The following NRP1 variants were observed in gnomAD, a reference collection of about 807,000 sequenced individuals.
NRP1 encodes neuropilin 1.
A neutral mutation model predicts 106.7 loss-of-function variants in NRP1; 35 were observed. The observed-to-expected ratio is 0.33, with a 90% CI of 0.25 to 0.43. The LOEUF is 0.43. Ranked by LOEUF, NRP1 falls within the 20% of genes least tolerant of loss-of-function variation. The pLI is 1.00. For missense variants in NRP1, 1,024 were observed against 1,170.4 expected, an observed-to-expected ratio of 0.87 and a Z score of 1.83; for synonymous variants, 437 against 417.9, an observed-to-expected ratio of 1.05 and a Z score of -0.56.
At chr10:33,190,215 T>C (rs1836311822) in intron 13 of NRP1, among the ~76,000 whole-genome samples, 1 of 152,228 alleles carries the variant, frequency 6.6e-6, no homozygotes, top group African/African-American at 2.4e-5. Context: ...TTAGCTTTTG[T>C]CTCTGGCTAA....
chr10:33,318,361 A>G (rs988959079), intron 2 of NRP1, among the ~76,000 whole-genome samples: 2 of 152,200 alleles, frequency 1.3e-5, no homozygotes, highest in African/African-American at 4.8e-5. Context: ...AGGTGCAATT[A>G]TAACGCACAT....
intron 6 of NRP1, among the ~76,000 whole-genome samples, chr10:33,237,904 G>A (rs1760211267): frequency 1.3e-5 from 2 of 151,972 alleles, no homozygotes; most frequent in South Asian, 4.1e-4. Flanking sequence ...CCTTCGGAGA[G>A]CAAAGATAAG....
At chr10:33,237,408 C>A (rs903768300) in intron 6 of NRP1, among the ~76,000 whole-genome samples, 5 of 151,582 alleles carry the variant, frequency 3.3e-5, no homozygotes, top group African/African-American at 1.2e-4. Flanking sequence ...CCTCATAGGA[C>A]AGGGGGTTGG....
intron 2 of NRP1, among the ~76,000 whole-genome samples, chr10:33,314,032 TTCTC>T (rs1164444187): frequency 3.2e-5 from 4 of 126,442 alleles, no homozygotes; most frequent in Admixed American, 8.2e-5. Flanking sequence ...CTCTCTCTCT[TTCTC>T]TCTCTCTTTC....
chr10:33,304,289 C>A (rs1343177610), intron 2 of NRP1, among the ~76,000 whole-genome samples: 1 of 152,150 alleles, frequency 6.6e-6, no homozygotes. Flanking sequence ...TTCCCTCCCC[C>A]AGATGGACTA....
intron 8 of NRP1, among the ~76,000 whole-genome samples, chr10:33,219,579 T>C (rs765190969): frequency 1.8e-4 from 28 of 152,234 alleles, no homozygotes; most frequent in African/African-American, 4.8e-5. Flanking sequence ...ATTTTAGACA[T>C]CTAAGTTTAC....
At chr10:33,254,989 A>C (rs1233280913) in intron 5 of NRP1, among the ~76,000 whole-genome samples, 2 of 152,176 alleles carry the variant, frequency 1.3e-5, no homozygotes, top group East Asian at 3.8e-4. Flanking sequence ...CTTAGGCCTA[A>C]CATCCTCAGT....
rs1197543432 is a variant in NRP1 at position 33,199,400 on chromosome 10, T to A, written c.1865-1691A>T. Among the ~76,000 whole-genome samples the A allele has an allele frequency of 8.2e-3, 802 of 97,262 alleles. 7 individuals are homozygous for A. The highest frequency in any genetic ancestry group is 0.024 in the African/African-American group (557 of 23,478). 63.8% of individuals were successfully genotyped at this position (97,262 alleles called of 152,430 possible). On this transcript the variant is annotated intron_variant, in intron 11 of 16. Coordinates refer to ENST00000374867, the MANE Select transcript of NRP1 (RefSeq NM_003873.7). ...ATATATATATATATATTTTTTTTTT[T>A]TTTTTTTTTTTTTTTTTTTTTGGCG...
intron 8 of NRP1, among the ~76,000 whole-genome samples, chr10:33,220,442 C>T (rs1047669999): frequency 6.6e-6 from 1 of 152,136 alleles, no homozygotes; most frequent in Admixed American, 6.5e-5. Flanking sequence ...TCAACTGATT[C>T]TGTCTTTGAA....
chr10:33,229,503 TCAAA>T (rs1279244288), intron 6 of NRP1, among the ~76,000 whole-genome samples: 1 of 152,202 alleles, frequency 6.6e-6, no homozygotes, highest in African/African-American at 2.4e-5. Flanking sequence ...ACTCTTCCTG[TCAAA>T]CTTACAGATG....
chr10:33,209,525 GGA>G (rs2132768469), intron 9 of NRP1, among the ~76,000 whole-genome samples: 1 of 152,290 alleles, frequency 6.6e-6, no homozygotes, highest in South Asian at 2.1e-4. Context: ...CACCAAGGCT[GGA>G]GTGCAGTGGT....
At chr10:33,289,249 C>T (rs1844808042) in intron 2 of NRP1, among the ~76,000 whole-genome samples, 2 of 152,110 alleles carry the variant, frequency 1.3e-5, no homozygotes, top group South Asian at 2.1e-4. Context: ...GTTCCAATTA[C>T]ATTAAACCTT....
chr10:33,260,985 CAAAAAA>C (rs35665366), intron 4 of NRP1, among the ~76,000 whole-genome samples: 1 of 60,066 alleles, frequency 1.7e-5, no homozygotes, highest in South Asian at 7.8e-4. Flanking sequence ...TGCCATTGAC[CAAAAAA>C]AAAAAAAAAA....
chr10:33,310,769 G>C (rs1846549847), intron 2 of NRP1, among the ~76,000 whole-genome samples: 1 of 152,142 alleles, frequency 6.6e-6, no homozygotes, highest in Admixed American at 6.5e-5. Context: ...GAAGAAATAA[G>C]CGTGAAATGG....
chr10:33,334,223 C>G (rs1408346663), intron 1 of NRP1, 87 bp downstream of exon 1: 2 of 1,260,992 alleles, frequency 1.6e-6, no homozygotes, highest in Admixed American at 2.3e-5. Flanking sequence ...CCGGCTGATC[C>G]CGGGAAGCCC....
rs746791525 is a variant in NRP1 at position 33,202,898 on chromosome 10, C to A, written c.1857G>T (p.Gln619His). 1 of 1,614,210 alleles carries A rather than the reference C, an allele frequency of 6.2e-7. No individual in the cohort carries two copies. Reference protein sequence around the residue: ...NCHSGTGDDFQLTGGTTVLAT... With the variant: ...NCHSGTGDDFHLTGGTTVLAT... ...TGAAGATGGTTTCTGCACCTGTGAG[C>A]TGGAAGTCATCACCTGTTCCACTGT... The change falls in exon 11 of 17, where the codon CAG (glutamine) becomes CAT (histidine). Residue 619 changes from glutamine (Q) to histidine (H), a missense_variant. By Grantham distance (24) the Gln-to-His change is conservative (BLOSUM62 0). Around this residue, in one of 5 missense-constraint regions of NRP1, gnomAD observed 562 missense variants for 620.3 expected, o/e 0.91. Transcript: ENST00000374867.
chr10:33,240,815 GA>G (rs138183049), intron 6 of NRP1, among the ~76,000 whole-genome samples: 6,018 of 152,262 alleles, frequency 0.04, 161 homozygotes, highest in Non-Finnish European at 0.056. Context: ...CAAGAACGAA[GA>G]GAAAGAACAG....
chr10:33,230,595 ATATGTGTGTGTGTGTGTGTGTGTGTGTG>A (rs1840037979), intron 6 of NRP1, among the ~76,000 whole-genome samples: 2 of 116,670 alleles, frequency 1.7e-5, no homozygotes, highest in African/African-American at 7.5e-5. Flanking sequence ...AGTTTCTCAT[ATATGTGTGTGTGTGTGTGTGTGTGTGTG>A]TGTGTGTGTG....
intron 1 of NRP1, 85 bp downstream of exon 1, chr10:33,334,225 G>C: frequency 7.9e-7 from 1 of 1,273,242 alleles, no homozygotes; most frequent in Non-Finnish European, 1.1e-6. Context: ...GGCTGATCCC[G>C]GGAAGCCCCG....
Sources: allele counts gnomAD v4.1 joint callset (sites outside exome capture counted in the v4.1 genomes callset), GRCh38; gene constraint gnomAD v4.1.1; regional missense constraint gnomAD v4.1.1; transcripts MANE v1.5; gene names NCBI Gene and HGNC (gene_info 2026-07-23, HGNC 2026-07-21).